SHLD1: variants seen among roughly 807,000 people sequenced by gnomAD.
The protein encoded by SHLD1 is shieldin complex subunit 1, also known as RINN1-REV7-interacting novel NHEJ regulator 3.
Under a neutral mutation model 5.5 loss-of-function variants are expected in SHLD1, and 3 were observed. The ratio of observed to expected loss-of-function variants is 0.54; its 90% CI spans 0.25 to 1.40. The LOEUF (loss-of-function observed/expected upper bound fraction) is 1.40, where lower values mean the gene tolerates loss of function less well. SHLD1 is among the 40% of genes most tolerant of loss of function. The pLI is 0.15. For synonymous variants in SHLD1, 92 were observed against 94.3 expected, an observed-to-expected ratio of 0.98 and a Z score of 0.14; for missense variants, 210 against 244.4, an observed-to-expected ratio of 0.86 and a Z score of 0.94.
chr20:5,798,504 G>T (rs1600133089), intron 2 of SHLD1, among the ~76,000 whole-genome samples: 1 of 151,912 alleles, frequency 6.6e-6, no homozygotes, highest in African/African-American at 2.4e-5. Flanking sequence ...GGGTTTCACC[G>T]TGTTAGCCAG....
intron 2 of SHLD1, among the ~76,000 whole-genome samples, chr20:5,777,790 A>C (rs994351049): frequency 2.0e-5 from 3 of 152,130 alleles, no homozygotes; most frequent in Admixed American, 2.0e-4. Context: ...GAAGTGACCA[A>C]GAGGATGATA....
intron 2 of SHLD1, among the ~76,000 whole-genome samples, chr20:5,847,312 T>G (rs1398816931): frequency 6.6e-6 from 1 of 152,196 alleles, no homozygotes; most frequent in Non-Finnish European, 1.5e-5. Context: ...GTACATGACT[T>G]CTTTATTAAA....
chr20:5,790,092 C>T (rs1213352058), intron 2 of SHLD1, among the ~76,000 whole-genome samples: 1 of 152,154 alleles, frequency 6.6e-6, no homozygotes, highest in Admixed American at 6.5e-5. Flanking sequence ...AATGATCTGG[C>T]CTGGGAAGCC....
At chr20:5,830,711 T>G in intron 2 of SHLD1, among the ~76,000 whole-genome samples, 1 of 144,540 alleles carries the variant, frequency 6.9e-6, no homozygotes, top group African/African-American at 2.6e-5. Context: ...AAAAAAGCAA[T>G]GTAGGTGTTA....
chr20:5,857,433 C>T (rs1478446128), intron 2 of SHLD1, among the ~76,000 whole-genome samples: 2 of 152,096 alleles, frequency 1.3e-5, no homozygotes, highest in African/African-American at 4.8e-5. Context: ...GGGACAGCTT[C>T]CCATCCAAGC....
At chr20:5,773,147 G>C (rs753456906) in intron 2 of SHLD1, 104 bp downstream of exon 2, 1 of 1,313,604 alleles carries the variant, frequency 7.6e-7, no homozygotes, top group South Asian at 1.2e-5. Flanking sequence ...CTCTGAGAAT[G>C]CTTCATTGTC....
chr20:5,750,973 G>C (rs1160706434), intron 1 of SHLD1, among the ~76,000 whole-genome samples: 1 of 152,130 alleles, frequency 6.6e-6, no homozygotes, highest in African/African-American at 2.4e-5. Context: ...CTCCAGCCTG[G>C]AAGACAGAGC....
Position 5,844,785 on chromosome 20 carries a change from A to ATTTTT in SHLD1, c.179-18238_179-18237insTTTTT, listed in dbSNP as rs1451016272. On this transcript the variant is annotated intron_variant, in intron 2 of 2. Coordinates refer to ENST00000303142, the MANE Select transcript of SHLD1 (RefSeq NM_152504.4). ...GTGTAGTAGACATATATATATATATATATATATATATATATTTTTTTTTTT... is the reference window on the plus strand; with the variant it reads ...GTGTAGTAGACATATATATATATATATTTTTTATATATATATATATTTTTTTTTTT... Among the ~76,000 whole-genome samples the ATTTTT allele has an allele frequency of 1.6e-3, 168 of 102,276 alleles. 3 individuals are homozygous for ATTTTT. The highest frequency in any genetic ancestry group is 9.0e-3 in the East Asian group (24 of 2,672). 67.1% of individuals were successfully genotyped at this position (102,276 alleles called of 152,430 possible). A position where few individuals can be genotyped will look rare whatever the true frequency, so the allele number is the denominator to read the frequency against.
In SHLD1 at chr20:5,840,509, C is replaced by A. The variant is rs576664316; in HGVS notation, c.179-22515C>A. On this transcript the variant is annotated intron_variant, in intron 2 of 2. Transcript: ENST00000303142. ...GTATGGATAGTGGCAGAGGCAGCAT[C>A]GTTCTGGAACTAGTCGCTGTAGTGA... Among the ~76,000 whole-genome samples the A allele has an allele frequency of 8.5e-5, 13 of 152,292 alleles. No homozygotes were observed. The East Asian group carries it at 2.5e-3, about 29-fold the overall frequency.
At chr20:5,832,392 G>T (rs1847458082) in intron 2 of SHLD1, among the ~76,000 whole-genome samples, 1 of 152,190 alleles carries the variant, frequency 6.6e-6, no homozygotes, top group African/African-American at 2.4e-5. Context: ...TAAGATCGGG[G>T]CTTTCACGTC....
At chr20:5,845,180 C>T (rs992658678) in intron 2 of SHLD1, among the ~76,000 whole-genome samples, 2 of 152,198 alleles carry the variant, frequency 1.3e-5, no homozygotes, top group Admixed American at 6.5e-5. Context: ...ACTCTAACAA[C>T]TCTGCTGTGG....
In SHLD1 at chr20:5,850,203, CACTCTATT is replaced by C. The variant is rs1294493037; in HGVS notation, c.179-12820_179-12813del. The stretch of plus-strand genomic sequence containing the variant: ...GACTGTCCTGGGCAAACTTTCCAGT[CACTCTATT>C]GAGTACCAGTCCCTCTAGTAAGAGC... On this transcript the variant is annotated intron_variant, in intron 2 of 2. Transcript: ENST00000303142. Among the ~76,000 whole-genome samples, 124 of 151,126 alleles carry C rather than the reference CACTCTATT, an allele frequency of 8.2e-4. 1 individual carries two copies. The highest frequency in any genetic ancestry group is 2.9e-3 in the African/African-American group (122 of 41,414).
rs200270119 is a variant in SHLD1 at position 5,863,217 on chromosome 20, C to A, written c.372C>A (p.Cys124Ter). The A allele has an allele frequency of 6.2e-7, 1 of 1,614,056 alleles. No homozygotes were observed. Among genetic ancestry groups the A allele is most frequent in the Non-Finnish European group, 8.5e-7 (1 of 1,180,052 alleles). The change falls in exon 3 of 3, where the codon TGC becomes TGA. Residue 124 changes from cysteine (C) to a stop codon, truncating the protein, a stop_gained. Transcript: ENST00000303142. LOFTEE classifies it low-confidence loss of function (END_TRUNC). ...CACTCTCTGCATCTGTCTGCAAGTG[C>A]CTGTCTCAGAAAATCACTCAACTAA... ...ANSLSASVCK[C>*]LSQKITQLRG...
At chr20:5,811,460 T>C (rs1271915945) in intron 2 of SHLD1, among the ~76,000 whole-genome samples, 1 of 152,136 alleles carries the variant, frequency 6.6e-6, no homozygotes, top group African/African-American at 2.4e-5. Flanking sequence ...TCCCTTCTCT[T>C]CCAGTTCTCT....
intron 2 of SHLD1, among the ~76,000 whole-genome samples, chr20:5,852,862 T>C (rs1177420574): frequency 6.6e-6 from 1 of 152,216 alleles, no homozygotes; most frequent in Admixed American, 6.5e-5. Context: ...CCGAGTATTA[T>C]GTGTGTTGGG....
intron 2 of SHLD1, among the ~76,000 whole-genome samples, chr20:5,799,135 G>A (rs548629567): frequency 4.0e-4 from 61 of 152,044 alleles, no homozygotes; most frequent in African/African-American, 1.3e-3. Context: ...CCTGGGAGGC[G>A]GAGGTTGCAG....
chr20:5,807,518 G>A (rs190541692), intron 2 of SHLD1, among the ~76,000 whole-genome samples: 221 of 152,162 alleles, frequency 1.5e-3, no homozygotes, highest in African/African-American at 5.2e-3. Context: ...CTACAGGTGT[G>A]TTCCACCATG....
At chr20:5,759,315 A>G (rs1177783283) in intron 1 of SHLD1, among the ~76,000 whole-genome samples, 2 of 151,278 alleles carry the variant, frequency 1.3e-5, no homozygotes, top group African/African-American at 2.4e-5. Flanking sequence ...GCTGGAGTAC[A>G]GTGGTGCAAT....
intron 2 of SHLD1, among the ~76,000 whole-genome samples, chr20:5,804,546 A>G (rs1404958496): frequency 6.6e-6 from 1 of 152,104 alleles, no homozygotes; most frequent in African/African-American, 2.4e-5. Flanking sequence ...TTGATATGTG[A>G]CCGTACAAGA....
Sources: gnomAD v4.1 joint callset for allele counts (sites outside exome capture counted in the v4.1 genomes callset) on GRCh38, gnomAD v4.1.1 for gene constraint, MANE v1.5 for transcripts, NCBI Gene and HGNC (gene_info 2026-07-23, HGNC 2026-07-21) for gene names.